KCTD19: variants seen among roughly 807,000 people sequenced by gnomAD.
The protein encoded by KCTD19 is potassium channel tetramerization domain containing 19, also known as BTB/POZ domain-containing protein KCTD19.
A neutral mutation model predicts 103.5 loss-of-function variants in KCTD19; 67 were observed. The ratio of observed to expected loss-of-function variants is 0.65; its 90% CI spans 0.53 to 0.79. KCTD19 has a LOEUF of 0.79. KCTD19 is among the 30% of genes least tolerant of loss of function. KCTD19 has a pLI of 0.00. For synonymous variants in KCTD19, 439 were observed against 452.2 expected (o/e 0.97, Z 0.37); for missense variants, 980 against 1,136.1 (o/e 0.86, Z 1.98).
At chr16:67,292,868 A>G (rs2036715871) in intron 12 of KCTD19, among the ~76,000 whole-genome samples, 3 of 151,962 alleles carry the variant, frequency 2.0e-5, no homozygotes, top group African/African-American at 7.3e-5. Flanking sequence ...CCCACACCTC[A>G]GTAAGGGCCT....
At chr16:67,304,241 G>A (rs1049836998) in intron 3 of KCTD19, among the ~76,000 whole-genome samples, 180 bp downstream of exon 3, 12 of 152,178 alleles carry the variant, frequency 7.9e-5, no homozygotes, top group Admixed American at 1.3e-4. Context: ...GAGAATGTTG[G>A]TTCCAGCAGG....
At chr16:67,316,350 A>G (rs2037013762) in intron 2 of KCTD19, among the ~76,000 whole-genome samples, 1 of 152,130 alleles carries the variant, frequency 6.6e-6, no homozygotes, top group Admixed American at 6.5e-5. Context: ...CTGATCACTC[A>G]ATACAGAAGT....
At chr16:67,306,403 T>C (rs538394687) in intron 2 of KCTD19, among the ~76,000 whole-genome samples, 1 of 152,222 alleles carries the variant, frequency 6.6e-6, no homozygotes, top group East Asian at 1.9e-4. Context: ...GTACCTGGGA[T>C]TACAGGTGCC....
chr16:67,324,184 AT>A (rs1232067082), intron 1 of KCTD19, among the ~76,000 whole-genome samples: 1 of 152,186 alleles, frequency 6.6e-6, no homozygotes, highest in Non-Finnish European at 1.5e-5. Context: ...TTATAAGTGA[AT>A]TGTCTTCTTT....
At position 67,323,281 on chromosome 16, in the gene KCTD19, G is replaced by A. The variant is rs539106816; in HGVS notation, c.4-2396C>T. Among the ~76,000 whole-genome samples the A allele has an allele frequency of 6.6e-6, 1 of 152,174 alleles. No homozygotes were observed. The highest frequency in any genetic ancestry group is 1.5e-5 in the Non-Finnish European group (1 of 68,032). On this transcript the variant is annotated intron_variant, in intron 1 of 15. Coordinates refer to ENST00000304372, the MANE Select transcript of KCTD19 (RefSeq NM_001100915.3). The surrounding 1 kb of genome is among the most constrained non-coding windows in gnomAD (Gnocchi z 4.1). ...GTTCATAGAACATAATAGCCAAAAG[G>A]TTGGAATAAACCTAATGTCCATCAA...
At chr16:67,313,729 C>T (rs1344901985) in intron 2 of KCTD19, among the ~76,000 whole-genome samples, 2 of 152,152 alleles carry the variant, frequency 1.3e-5, no homozygotes, top group East Asian at 1.9e-4. Context: ...GCTGGGATTA[C>T]AGGCGCATGC....
chr16:67,325,797 G>A (rs1422435580), intron 1 of KCTD19: 9 of 152,180 alleles, frequency 5.9e-5, no homozygotes, highest in Admixed American at 2.0e-4. Context: ...TTGCCGGACT[G>A]ACTTCAGGAA....
At chr16:67,295,440 G>A in intron 8 of KCTD19, 35 bp from the exon 9 acceptor site, 1 of 1,589,288 alleles carries the variant, frequency 6.3e-7, no homozygotes, top group Non-Finnish European at 8.6e-7. Context: ...CAGTCTCAGA[G>A]GCTAGGTCTT....
At chr16:67,308,170 C>CTTTTTT (rs554751590) in intron 2 of KCTD19, among the ~76,000 whole-genome samples, 1 of 134,590 alleles carries the variant, frequency 7.4e-6, no homozygotes. Context: ...TCTTTCTTTT[C>CTTTTTT]TTTTTTTTTT....
At position 67,294,168 on chromosome 16, in the gene KCTD19, T is replaced by C; in HGVS notation, c.1594A>G (p.Thr532Ala). Reference protein sequence around the residue: ...VEFSRDTKETTAYMPVDFEDC... With the variant: ...VEFSRDTKETAAYMPVDFEDC... Reference sequence around the variant, plus strand: ...TCGAAGTCCACAGGCATGTAGGCTGTGGTCTGGGGAGGGAAGGGCACAGTA... The same window carrying C: ...TCGAAGTCCACAGGCATGTAGGCTGCGGTCTGGGGAGGGAAGGGCACAGTA... The change falls in exon 12 of 16, where the codon ACA becomes GCA. Residue 532 changes from threonine to alanine, a missense_variant. Coordinates refer to ENST00000304372, the MANE Select transcript of KCTD19 (RefSeq NM_001100915.3). 1 of 1,598,590 alleles carries C rather than the reference T, an allele frequency of 6.3e-7. No individual in the cohort carries two copies.
At chr16:67,296,591 C>T (rs2036767833) in intron 7 of KCTD19, among the ~76,000 whole-genome samples, 1 of 152,154 alleles carries the variant, frequency 6.6e-6, no homozygotes, top group African/African-American at 2.4e-5. Flanking sequence ...CATGTGGCCA[C>T]TCAGACTGAA....
At chr16:67,308,682 TCCCA>T (rs112726269) in intron 2 of KCTD19, among the ~76,000 whole-genome samples, 32,694 of 151,822 alleles carry the variant, frequency 0.22, 7,036 homozygotes, top group African/African-American at 0.56. Flanking sequence ...CCCACTTTGT[TCCCA>T]CAGACACTCA....
Position 67,297,633 on chromosome 16 carries a change from C to G in KCTD19, c.1017G>C (p.Leu339=). 1.9e-6 allele frequency: 3 copies of G among 1,613,948 alleles called. No individual in the cohort carries two copies. The highest frequency in any genetic ancestry group is 2.5e-6 in the Non-Finnish European group (3 of 1,179,998). The change falls in exon 7 of 16, where the codon CTG becomes CTC. Residue 339 remains leucine (L), a synonymous_variant. Coordinates refer to ENST00000304372, the MANE Select transcript of KCTD19 (RefSeq NM_001100915.3). ...CATATACCTCGGAAATGGTCTCTGTCAGGGGCAGCCGGCAAGTCCCCAGCC... is the reference window on the plus strand; with the variant it reads ...CATATACCTCGGAAATGGTCTCTGTGAGGGGCAGCCGGCAAGTCCCCAGCC... ...KNWLGTCRLP[L]TETISEVYEL...
chr16:67,322,389 C>T (rs1428856885), intron 1 of KCTD19, among the ~76,000 whole-genome samples: 9 of 151,830 alleles, frequency 5.9e-5, no homozygotes, highest in African/African-American at 2.2e-4. Flanking sequence ...AACTCCACCT[C>T]CCGGGTTCAC....
rs544078560 is a variant in KCTD19, at chr16:67,301,762, G to C, written c.775+29C>G. 3.7e-6 allele frequency: 6 copies of C among 1,610,304 alleles called. No homozygotes were observed. The Admixed American group carries it at 8.4e-5, about 22-fold the overall frequency. On this transcript the variant is annotated intron_variant, in intron 5 of 15. Coordinates refer to ENST00000304372, the MANE Select transcript of KCTD19 (RefSeq NM_001100915.3). Reference sequence around the variant, plus strand: ...TTCCAGGTCAAGCCAAGACTGTCGAGGGGGAGCCAAGGTTTCCTGGCGACA... The same window carrying C: ...TTCCAGGTCAAGCCAAGACTGTCGACGGGGAGCCAAGGTTTCCTGGCGACA...
In KCTD19 at chr16:67,289,518, T is replaced by A. The variant is rs2036642960; in HGVS notation, c.*51A>T. ...CACATGCATTCTGGGCTATCTCCAA[T>A]TAAAATGAGACTTGGCGGGTGGGGC... On this transcript the variant is annotated 3_prime_UTR_variant, in exon 16 of 16. Coordinates refer to ENST00000304372, the MANE Select transcript of KCTD19 (RefSeq NM_001100915.3). The A allele has an allele frequency of 1.8e-6, 2 of 1,116,578 alleles. No homozygotes were observed. The highest frequency in any genetic ancestry group is 2.7e-6 in the Non-Finnish European group (2 of 729,632). The allele number at this position is 1,116,578 out of a possible 1,614,324, so 69.2% of individuals were successfully genotyped here. A position where few individuals can be genotyped will look rare whatever the true frequency, so the allele number is the denominator to read the frequency against.
At position 67,291,329 on chromosome 16, in the gene KCTD19, A is replaced by T. The variant is rs753112636; in HGVS notation, c.2545T>A (p.Ser849Thr). The T allele has an allele frequency of 6.2e-7, 1 of 1,613,844 alleles. No homozygotes were observed. Among genetic ancestry groups the T allele is most frequent in the Non-Finnish European group, 8.5e-7 (1 of 1,180,000 alleles). ...CATACCCACAGCCGATTGGCCAGGG[A>T]GACCACCTTGGCTGTGATGGCTTTG... is the stretch of plus-strand genomic sequence containing the variant. ...DPKAITAKVV[S>T]LANRLWTLHI... The change falls in exon 14 of 16, where the codon TCC becomes ACC. Residue 849 changes from serine (S) to threonine (T), a missense_variant. Transcript: ENST00000304372.
At chr16:67,292,911 C>T (rs1483999297) in intron 12 of KCTD19, among the ~76,000 whole-genome samples, 3 of 152,130 alleles carry the variant, frequency 2.0e-5, no homozygotes, top group Non-Finnish European at 4.4e-5. Context: ...AGGCTAGAAA[C>T]CTGGCTTCTC....
chr16:67,293,614 G>C lies in KCTD19; in HGVS notation c.2148C>G (p.Phe716Leu), dbSNP rs375929826. 14 of 1,613,872 alleles carry C rather than the reference G, an allele frequency of 8.7e-6. No homozygotes were observed. Among genetic ancestry groups the C allele is most frequent in the Non-Finnish European group, 1.1e-5 (13 of 1,179,996 alleles). ...GAKDKGPEPT[F>L]KPYLPPKRAG... is the part of the protein sequence containing the mutation. ...CTCTTTTTGGGGGTAAGTATGGCTT[G>C]AAGGTTGGCTCTGGCCCCTTGTCTT... is the stretch of plus-strand genomic sequence containing the variant. Residue 716 changes from phenylalanine to leucine, a missense_variant, in exon 12 of 16, where the codon TTC becomes TTG. Physicochemically the swap from Phe to Leu is conservative, Grantham distance 22. Coordinates refer to ENST00000304372, the MANE Select transcript of KCTD19 (RefSeq NM_001100915.3). This position sits in a 1 kb window ranked among gnomAD's most constrained non-coding sequence, Gnocchi z 4.0.
Sources: allele counts gnomAD v4.1 joint callset (sites outside exome capture counted in the v4.1 genomes callset), GRCh38; gene constraint gnomAD v4.1.1; non-coding constraint Gnocchi (gnomAD v3.1); transcripts MANE v1.5; gene names NCBI Gene and HGNC (gene_info 2026-07-23, HGNC 2026-07-21).